ZFHX4: variants seen among roughly 807,000 people sequenced by gnomAD.
The protein encoded by ZFHX4 is zinc finger homeobox 4.
Under a neutral mutation model 267.6 loss-of-function variants are expected in ZFHX4, and 56 were observed. The observed-to-expected ratio is 0.21, with a 90% confidence interval of 0.17 to 0.26. The LOEUF (loss-of-function observed/expected upper bound fraction) is 0.26. ZFHX4 is among the 10% of genes least tolerant of loss of function. The pLI, the probability that ZFHX4 is intolerant of heterozygous loss-of-function variation, is 1.00. For synonymous variants in ZFHX4, 1,778 were observed against 1,665.6 expected (o/e 1.07, Z -1.64); for missense variants, 4,332 against 4,420.0 (o/e 0.98, Z 0.56).
intron 1 of ZFHX4, among the ~76,000 whole-genome samples, chr8:76,700,613 A>G (rs1808078276): frequency 1.3e-5 from 2 of 152,196 alleles, no homozygotes; most frequent in African/African-American, 4.8e-5. Flanking sequence ...GCAAAGCAGA[A>G]TGAGTAATAA....
intron 4 of ZFHX4, among the ~76,000 whole-genome samples, chr8:76,830,897 C>T (rs749632504): frequency 4.8e-4 from 73 of 152,092 alleles, no homozygotes; most frequent in African/African-American, 1.5e-3. Flanking sequence ...ACTTGGTTTC[C>T]GGCCTTTGCT....
At chr8:76,861,880 T>C (rs1259978910) in intron 10 of ZFHX4, among the ~76,000 whole-genome samples, 2 of 152,012 alleles carry the variant, frequency 1.3e-5, no homozygotes, top group African/African-American at 4.8e-5. Context: ...TATGCATTGA[T>C]AATTAAACTT....
chr8:76,767,734 T>A (rs1317954230), intron 3 of ZFHX4, among the ~76,000 whole-genome samples: 1 of 152,186 alleles, frequency 6.6e-6, no homozygotes, highest in Non-Finnish European at 1.5e-5. Flanking sequence ...AACTTTGGGC[T>A]CTCAACAAAA....
At chr8:76,826,276 A>G (rs1811782414) in intron 4 of ZFHX4, among the ~76,000 whole-genome samples, 1 of 152,166 alleles carries the variant, frequency 6.6e-6, no homozygotes, top group African/African-American at 2.4e-5. Flanking sequence ...TAAGCCATTC[A>G]TGAGGAATTT....
At position 76,866,353 on chromosome 8, in the gene ZFHX4, C is replaced by T. The variant is rs993845738; in HGVS notation, c.*1788C>T. On this transcript the variant is annotated 3_prime_UTR_variant, in exon 11 of 11. Transcript: ENST00000651372. The stretch of plus-strand genomic sequence containing the variant: ...CTGTTTTAATGATCAAATCAAGACA[C>T]ATTTCATTTTACATTTTATTATTGT... 2.6e-5 allele frequency: 4 copies of T among 152,468 alleles called. No homozygotes were observed. Among genetic ancestry groups the T allele is most frequent in the African/African-American group, 9.7e-5 (4 of 41,414 alleles). The allele number at this position is 152,468 out of a possible 1,614,324, so 9.4% of individuals were successfully genotyped here.
At chr8:76,798,280 T>C (rs1312200821) in intron 4 of ZFHX4, among the ~76,000 whole-genome samples, 1 of 152,172 alleles carries the variant, frequency 6.6e-6, no homozygotes, top group African/African-American at 2.4e-5. Flanking sequence ...TGGTGAGTAA[T>C]TGCTAAAGGG....
intron 3 of ZFHX4, among the ~76,000 whole-genome samples, chr8:76,760,921 C>A (rs1338155547): frequency 3.8e-5 from 5 of 133,166 alleles, no homozygotes; most frequent in Non-Finnish European, 6.1e-5. Flanking sequence ...AGGGCAAGAC[C>A]CTGCCTCAAA....
intron 4 of ZFHX4, among the ~76,000 whole-genome samples, chr8:76,822,454 T>TTA (rs1368955990): frequency 2.2e-5 from 3 of 137,144 alleles, no homozygotes; most frequent in African/African-American, 6.0e-5. Context: ...GTCTACCTCT[T>TTA]TTTTTTTTTT....
intron 4 of ZFHX4, among the ~76,000 whole-genome samples, chr8:76,804,243 G>A (rs1054977468): frequency 2.0e-5 from 3 of 152,054 alleles, no homozygotes; most frequent in African/African-American, 4.8e-5. Flanking sequence ...CTTTTCCACC[G>A]TAGAGTTGAG....
chr8:76,685,226 A>G (rs1244164775), intron 1 of ZFHX4, among the ~76,000 whole-genome samples: 1 of 152,224 alleles, frequency 6.6e-6, no homozygotes, highest in Non-Finnish European at 1.5e-5. Flanking sequence ...AGGGTCGACA[A>G]TGTGTCATTT....
At chr8:76,842,859 A>C in intron 6 of ZFHX4, 88 bp downstream of exon 6, 2 of 865,154 alleles carry the variant, frequency 2.3e-6, no homozygotes, top group Non-Finnish European at 3.6e-6. Flanking sequence ...CACCCCACAA[A>C]ACTTATTAAA....
chr8:76,778,513 A>C, intron 4 of ZFHX4, 74 bp downstream of exon 4: 1 of 1,174,672 alleles, frequency 8.5e-7, no homozygotes, highest in Non-Finnish European at 1.3e-6. Flanking sequence ...ACACACAAAC[A>C]CACACACACA....
chr8:76,805,446 A>T (rs887709692), intron 4 of ZFHX4, among the ~76,000 whole-genome samples: 4 of 152,122 alleles, frequency 2.6e-5, no homozygotes, highest in African/African-American at 9.7e-5. Context: ...TTTGATATGA[A>T]GTTTCAATCT....
In ZFHX4 at chr8:76,854,335, T is replaced by A; in HGVS notation, c.7414T>A (p.Ser2472Thr). 6.2e-7 allele frequency: 1 copy of A among 1,613,776 alleles called. No individual in the cohort carries two copies. The change falls in exon 10 of 11, where the codon TCC becomes ACC. Residue 2472 changes from serine (S) to threonine (T), a missense_variant. By Grantham distance (58) the Ser-to-Thr change is moderately conservative. This residue lies in a region of ZFHX4 where 1,648 missense variants were observed against 1,625.0 expected (regional missense o/e 1.01). Transcript: ENST00000651372. ...CTCGGCCTCTCAAACACCGGTCCCT[T>A]CCAGTCCACTGCAAATTTCCATGAC... is the stretch of plus-strand genomic sequence containing the variant. ...PPSASQTPVPSSPLQISMTSL... is the reference protein window; with the variant it reads ...PPSASQTPVPTSPLQISMTSL...
chr8:76,692,571 C>G (rs1807851912), intron 1 of ZFHX4, among the ~76,000 whole-genome samples: 1 of 152,014 alleles, frequency 6.6e-6, no homozygotes, highest in Non-Finnish European at 1.5e-5. Flanking sequence ...GAATCACAGT[C>G]CTTTATTGTT....
At position 76,864,643 on chromosome 8, in the gene ZFHX4, C is replaced by T. The variant is rs1812982693; in HGVS notation, c.*78C>T. On this transcript the variant is annotated 3_prime_UTR_variant, in exon 11 of 11. Transcript: ENST00000651372. ...AAAAATAAGACTTTAACTGCAGTTC[C>T]AAAGCTTCTCTAACCCAAAAATTAC... 3.6e-6 allele frequency: 4 copies of T among 1,124,414 alleles called. No homozygotes were observed. Among genetic ancestry groups the T allele is most frequent in the Non-Finnish European group, 4.9e-6 (4 of 822,922 alleles). The allele number at this position is 1,124,414 out of a possible 1,614,324, so 69.7% of individuals were successfully genotyped here.
intron 5 of ZFHX4, among the ~76,000 whole-genome samples, chr8:76,840,279 G>A (rs1007424473): frequency 6.6e-6 from 1 of 152,144 alleles, no homozygotes; most frequent in African/African-American, 2.4e-5. Context: ...GAGGAGCCAG[G>A]CAGTTATGGC....
At chr8:76,726,675 T>A (rs562384957) in intron 3 of ZFHX4, among the ~76,000 whole-genome samples, 76 of 152,278 alleles carry the variant, frequency 5.0e-4, no homozygotes, top group Non-Finnish European at 8.2e-4. Context: ...GAACCCATGG[T>A]TAAAATTATA....
At chr8:76,756,274 A>T (rs1053417474) in intron 3 of ZFHX4, among the ~76,000 whole-genome samples, 4 of 152,234 alleles carry the variant, frequency 2.6e-5, no homozygotes, top group Non-Finnish European at 5.9e-5. Flanking sequence ...TTTATTTCAC[A>T]TGCTAGTGTA....
Sources: allele counts gnomAD v4.1 joint callset (sites outside exome capture counted in the v4.1 genomes callset), GRCh38; gene constraint gnomAD v4.1.1; regional missense constraint gnomAD v4.1.1; transcripts MANE v1.5; gene names NCBI Gene and HGNC (gene_info 2026-07-23, HGNC 2026-07-21).